The following EVL variants were observed in gnomAD, a reference collection of about 807,000 sequenced individuals.
EVL encodes the protein Enah/Vasp-like, also known as ena/VASP-like protein.
A neutral mutation model predicts 59.6 loss-of-function variants in EVL; 21 were observed. The observed-to-expected ratio is 0.35, with a 90% CI of 0.25 to 0.51. The LOEUF is 0.51. Ranked by LOEUF, EVL falls within the 20% of genes least tolerant of loss-of-function variation. EVL has a pLI of 0.97. For synonymous variants in EVL, 198 were observed against 203.5 expected, an observed-to-expected ratio of 0.97 and a Z score of 0.23; for missense variants, 462 against 546.6, an observed-to-expected ratio of 0.85 and a Z score of 1.54.
At chr14:99,983,548 C>T (rs1390952727) in intron 1 of EVL, among the ~76,000 whole-genome samples, 1 of 152,206 alleles carries the variant, frequency 6.6e-6, no homozygotes, top group Admixed American at 6.5e-5. Context: ...GTCCTTTTCC[C>T]ATGTATTTGT....
At position 100,129,623 on chromosome 14, in the gene EVL, G is replaced by T. The variant is rs1888305405; in HGVS notation, c.778G>T (p.Ala260Ser). 6.2e-7 allele frequency: 1 copy of T among 1,612,638 alleles called. No individual in the cohort carries two copies. The highest frequency in any genetic ancestry group is 8.5e-7 in the Non-Finnish European group (1 of 1,179,430). Residue 260 changes from alanine (A) to serine (S), a missense_variant, in exon 7 of 14, where the codon GCA (alanine) becomes TCA (serine). Physicochemically the swap from Ala to Ser is moderately conservative, Grantham distance 99. Coordinates refer to ENST00000392920, the MANE Select transcript of EVL (RefSeq NM_016337.3). The part of the protein sequence containing the change: ...SGTSKSDANR[A>S]SSGGGGGGLM... ...GACCTCAAAGTCCGATGCCAACCGG[G>T]CAAGCAGCGGGGGTGGCGGAGGAGG...
chr14:100,124,546 C>G (rs1056186570), intron 4 of EVL, among the ~76,000 whole-genome samples: 19 of 152,204 alleles, frequency 1.2e-4, no homozygotes, highest in African/African-American at 4.3e-4. Flanking sequence ...ACTGTTGTCC[C>G]CATGAGCCAG....
At chr14:100,086,041 A>G (rs539955598) in intron 2 of EVL, among the ~76,000 whole-genome samples, 37 of 152,284 alleles carry the variant, frequency 2.4e-4, no homozygotes, top group African/African-American at 8.9e-4. Context: ...AGGCAGGAGA[A>G]TGGCGTGAAC....
intron 3 of EVL, among the ~76,000 whole-genome samples, chr14:100,118,291 C>A (rs1360824646): frequency 6.6e-6 from 1 of 152,148 alleles, no homozygotes; most frequent in East Asian, 1.9e-4. Context: ...CCAGATTTTC[C>A]CTCTTCTGTG....
intron 2 of EVL, among the ~76,000 whole-genome samples, chr14:100,089,553 T>C (rs926297994): frequency 6.6e-6 from 1 of 152,234 alleles, no homozygotes; most frequent in Non-Finnish European, 1.5e-5. Context: ...GAAATCACAG[T>C]GTAAACTAGA....
At chr14:100,057,491 T>G (rs1319543146) in intron 1 of EVL, among the ~76,000 whole-genome samples, 1 of 152,150 alleles carries the variant, frequency 6.6e-6, no homozygotes, top group African/African-American at 2.4e-5. Context: ...AAAAATGATT[T>G]GGAGTTTGTT....
chr14:99,990,061 G>C (rs1305499346), intron 1 of EVL, among the ~76,000 whole-genome samples: 1 of 152,146 alleles, frequency 6.6e-6, no homozygotes, highest in Non-Finnish European at 1.5e-5. Flanking sequence ...TCTTCTCTAG[G>C]TTAAACACTT....
intron 1 of EVL, chr14:100,019,520 A>C (rs1566970648): frequency 1.5e-6 from 1 of 652,122 alleles, no homozygotes; most frequent in East Asian, 3.1e-5. Flanking sequence ...CCCTGTCTGC[A>C]GAAAGCCTTT....
intron 1 of EVL, among the ~76,000 whole-genome samples, chr14:99,998,581 T>C (rs540385640): frequency 1.8e-4 from 27 of 152,142 alleles, no homozygotes; most frequent in Non-Finnish European, 3.5e-4. Context: ...ATTCTACAAA[T>C]TTTGCAATAC....
chr14:100,002,109 A>G (rs1193090549), intron 1 of EVL, among the ~76,000 whole-genome samples: 1 of 152,218 alleles, frequency 6.6e-6, no homozygotes. Context: ...GCAACGTTTT[A>G]AGCAAAAAGT....
At chr14:100,084,562 G>T in intron 1 of EVL, 125 bp from the exon 2 acceptor site, 1 of 972,346 alleles carries the variant, frequency 1.0e-6, no homozygotes, top group South Asian at 1.7e-5. Flanking sequence ...CATAGATGTT[G>T]GAAGTTCTGG....
chr14:100,123,710 T>C (rs1371833168), intron 4 of EVL, 108 bp downstream of exon 4: 1 of 1,146,162 alleles, frequency 8.7e-7, no homozygotes, highest in Non-Finnish European at 1.3e-6. Context: ...CCAGGACTCC[T>C]AGAGGCATAC....
At chr14:100,136,576 A>G (rs1479334364) in intron 9 of EVL, among the ~76,000 whole-genome samples, 4 of 152,092 alleles carry the variant, frequency 2.6e-5, no homozygotes, top group Non-Finnish European at 5.9e-5. Context: ...GCCTGTGCTC[A>G]TGAGCACAGC....
At chr14:100,117,340 A>C (rs923360087) in intron 3 of EVL, among the ~76,000 whole-genome samples, 3 of 151,178 alleles carry the variant, frequency 2.0e-5, no homozygotes, top group Non-Finnish European at 2.9e-5. Context: ...AATGTGCCAC[A>C]CTCCTGCCCA....
intron 3 of EVL, chr14:100,107,524 G>A (rs1221104561): frequency 1.0e-5 from 4 of 386,700 alleles, no homozygotes; most frequent in Non-Finnish European, 1.8e-5. Context: ...CACGCCCAAC[G>A]TTCCTCCACT....
At chr14:100,128,456 G>A (rs1401585510) in intron 5 of EVL, 63 bp from the exon 6 acceptor site, 2 of 1,550,188 alleles carry the variant, frequency 1.3e-6, no homozygotes, top group South Asian at 1.1e-5. Context: ...CCTGAGCTGA[G>A]AGCAGCAGGC....
chr14:100,030,838 T>G (rs2061303165), intron 1 of EVL, among the ~76,000 whole-genome samples: 1 of 152,204 alleles, frequency 6.6e-6, no homozygotes, highest in Admixed American at 6.5e-5. Flanking sequence ...GAGTCTGCAG[T>G]GCTTCTGTAC....
intron 1 of EVL, among the ~76,000 whole-genome samples, chr14:100,016,623 A>T (rs189180143): frequency 1.3e-5 from 2 of 152,220 alleles, no homozygotes; most frequent in African/African-American, 2.4e-5. Context: ...AAAACACATT[A>T]TGTGGTCACA....
At chr14:100,095,113 G>A (rs1885717321) in intron 2 of EVL, among the ~76,000 whole-genome samples, 1 of 152,130 alleles carries the variant, frequency 6.6e-6, no homozygotes, top group African/African-American at 2.4e-5. Flanking sequence ...AAATCATAGG[G>A]TTCTAAATTT....
Sources: allele counts gnomAD v4.1 joint callset (sites outside exome capture counted in the v4.1 genomes callset), GRCh38; gene constraint gnomAD v4.1.1; transcripts MANE v1.5; gene names NCBI Gene and HGNC (gene_info 2026-07-23, HGNC 2026-07-21).